Variants in CFAP299 observed in about 807,000 individuals in gnomAD.
CFAP299 encodes the protein cilia and flagella associated protein 299, also known as cilia- and flagella-associated protein 299.
Under a neutral mutation model 27.0 loss-of-function variants are expected in CFAP299, and 21 were observed. That is an observed-to-expected ratio of 0.78 (90% CI 0.55 to 1.12). The LOEUF (loss-of-function observed/expected upper bound fraction) is 1.12, where lower values mean the gene tolerates loss of function less well. Ranked by LOEUF, CFAP299 falls within the 50% of genes most tolerant of loss-of-function variation. CFAP299 has a pLI of 0.00. For missense variants in CFAP299, 310 were observed against 276.6 expected (o/e 1.12, Z -0.86); for synonymous variants, 104 against 98.1 (o/e 1.06, Z -0.36).
intron 3 of CFAP299, among the ~76,000 whole-genome samples, chr4:80,863,876 T>C (rs1732532431): frequency 6.6e-6 from 1 of 152,156 alleles, no homozygotes; most frequent in African/African-American, 2.4e-5. Flanking sequence ...TTCATGTGTC[T>C]TTTGGGAAAT....
intron 2 of CFAP299, among the ~76,000 whole-genome samples, chr4:80,551,685 G>T (rs1458455962): frequency 1.3e-5 from 2 of 151,588 alleles, no homozygotes; most frequent in African/African-American, 2.4e-5. Context: ...TTGGAGCTGA[G>T]ATTTCTTCAT....
chr4:80,543,751 A>G (rs568751809), intron 2 of CFAP299, among the ~76,000 whole-genome samples: 1 of 152,380 alleles, frequency 6.6e-6, no homozygotes, highest in South Asian at 2.1e-4. Context: ...GAGAGCAAGT[A>G]ACTTGGAAAT....
chr4:80,587,857 G>T (rs1736528178), intron 3 of CFAP299, among the ~76,000 whole-genome samples: 1 of 144,200 alleles, frequency 6.9e-6, no homozygotes, highest in East Asian at 1.9e-4. Flanking sequence ...CTCCCAAAGT[G>T]CAGGCTACTG....
At chr4:80,563,506 T>G (rs1202734488) in intron 2 of CFAP299, among the ~76,000 whole-genome samples, 1 of 152,044 alleles carries the variant, frequency 6.6e-6, no homozygotes, top group Non-Finnish European at 1.5e-5. Context: ...GAAATGATTA[T>G]GGAAACACAA....
intron 2 of CFAP299, among the ~76,000 whole-genome samples, chr4:80,422,320 T>C (rs2110070782): frequency 6.6e-6 from 1 of 152,064 alleles, no homozygotes; most frequent in African/African-American, 2.4e-5. Context: ...ATAAAATAAG[T>C]AGCTTTTCCC....
chr4:80,801,845 G>A (rs897733215), intron 3 of CFAP299, among the ~76,000 whole-genome samples: 30 of 152,090 alleles, frequency 2.0e-4, no homozygotes, highest in Non-Finnish European at 2.8e-4. Context: ...TTTGCCCAAC[G>A]CACTCTGCTT....
intron 3 of CFAP299, among the ~76,000 whole-genome samples, chr4:80,648,210 A>G (rs1740120833): frequency 6.6e-6 from 1 of 152,196 alleles, no homozygotes; most frequent in South Asian, 2.1e-4. Flanking sequence ...CAAGTCACTT[A>G]AAAAGTACCT....
intron 2 of CFAP299, among the ~76,000 whole-genome samples, chr4:80,526,551 A>C (rs963337655): frequency 2.6e-5 from 4 of 152,122 alleles, no homozygotes; most frequent in African/African-American, 9.7e-5. Flanking sequence ...TATACTAATG[A>C]TTTTTAATGA....
intron 2 of CFAP299, among the ~76,000 whole-genome samples, chr4:80,443,164 G>C (rs1269913089): frequency 1.3e-5 from 2 of 152,114 alleles, no homozygotes; most frequent in Admixed American, 6.5e-5. Flanking sequence ...GAAAGAGAGG[G>C]ACTCCTACCT....
At position 80,373,865 on chromosome 4, in the gene CFAP299, C is replaced by A. The variant is rs147328106; in HGVS notation, c.242+10981C>A. Among the ~76,000 whole-genome samples, 747 of 152,220 alleles carry A rather than the reference C, an allele frequency of 4.9e-3. 7 individuals are homozygous for A. Among genetic ancestry groups the A allele is most frequent in the African/African-American group, 0.017 (721 of 41,514 alleles). ...GCCATCACTGAACTTCTTAATGATT[C>A]TGATGCTTCAGTAACTAGCACATTT... On this transcript the variant is annotated intron_variant, in intron 2 of 5. Coordinates refer to ENST00000358105, the MANE Select transcript of CFAP299 (RefSeq NM_152770.3).
At chr4:80,637,414 T>G (rs1739504875) in intron 3 of CFAP299, among the ~76,000 whole-genome samples, 1 of 152,204 alleles carries the variant, frequency 6.6e-6, no homozygotes, top group Non-Finnish European at 1.5e-5. Context: ...CTTGACAGAT[T>G]ATGCCAGACT....
chr4:80,390,390 T>G (rs1725260218), intron 2 of CFAP299, among the ~76,000 whole-genome samples: 1 of 151,754 alleles, frequency 6.6e-6, no homozygotes, highest in Non-Finnish European at 1.5e-5. Flanking sequence ...TGTGCCTGGC[T>G]TATTTCACTT....
At chr4:80,730,252 GTGTGTGTGTGTGTGTGTGTGTGTGTGTA>G (rs1723434034) in intron 3 of CFAP299, among the ~76,000 whole-genome samples, 1 of 111,222 alleles carries the variant, frequency 9.0e-6, no homozygotes, top group Admixed American at 8.3e-5. Flanking sequence ...CTCTCTCTGT[GTGTGTGTGTGTGTGTGTGTGTGTGTGTA>G]TGTGTGTGTG....
chr4:80,698,052 GT>G (rs1721224535), intron 3 of CFAP299, among the ~76,000 whole-genome samples: 1 of 152,136 alleles, frequency 6.6e-6, no homozygotes, highest in Non-Finnish European at 1.5e-5. Context: ...AATTGTCAGT[GT>G]TATATCTGAA....
At chr4:80,627,423 ACAGAG>A (rs1738967650) in intron 3 of CFAP299, among the ~76,000 whole-genome samples, 2 of 152,090 alleles carry the variant, frequency 1.3e-5, no homozygotes, top group South Asian at 4.1e-4. Context: ...CCTCTAAGAC[ACAGAG>A]TAAGATAAGG....
intron 2 of CFAP299, among the ~76,000 whole-genome samples, chr4:80,579,649 A>G (rs973554847): frequency 1.3e-5 from 2 of 152,130 alleles, no homozygotes; most frequent in African/African-American, 4.8e-5. Flanking sequence ...TAGATCAGGG[A>G]TAATTTTGAT....
intron 2 of CFAP299, among the ~76,000 whole-genome samples, chr4:80,407,300 A>G (rs549102334): frequency 6.6e-6 from 1 of 152,306 alleles, no homozygotes; most frequent in African/African-American, 2.4e-5. Context: ...GTGGCTTAAA[A>G]CAACCACCAT....
chr4:80,345,610 T>C (rs889331426), intron 1 of CFAP299, among the ~76,000 whole-genome samples: 3 of 152,156 alleles, frequency 2.0e-5, no homozygotes, highest in African/African-American at 7.2e-5. Flanking sequence ...GAATGCATCC[T>C]TTTTTATGGC....
intron 2 of CFAP299, among the ~76,000 whole-genome samples, chr4:80,523,028 C>CA (rs35386571): frequency 0.33 from 49,966 of 151,804 alleles, 10,101 homozygotes; most frequent in African/African-American, 0.57. Flanking sequence ...TTTATTTCCA[C>CA]AAAAATGTCT....
Sources: allele counts gnomAD v4.1 joint callset (sites outside exome capture counted in the v4.1 genomes callset), GRCh38; gene constraint gnomAD v4.1.1; transcripts MANE v1.5; gene names NCBI Gene and HGNC (gene_info 2026-07-23, HGNC 2026-07-21).